Variants in ASTN2 observed in about 807,000 individuals in gnomAD.
The protein encoded by ASTN2 is astrotactin 2.
ASTN2 carries 54 observed loss-of-function variants against 139.8 expected under a neutral mutation model. The observed-to-expected ratio is 0.39, with a 90% CI of 0.31 to 0.48. ASTN2 has a LOEUF of 0.48. ASTN2 is among the 20% of genes least tolerant of loss of function. The pLI is 0.95. For missense variants in ASTN2, 1,565 were observed against 1,725.1 expected (o/e 0.91, Z 1.64); for synonymous variants, 756 against 719.5 (o/e 1.05, Z -0.81).
At chr9:117,406,931 G>C (rs1457877876) in intron 1 of ASTN2, among the ~76,000 whole-genome samples, 1 of 151,240 alleles carries the variant, frequency 6.6e-6, no homozygotes, top group Non-Finnish European at 1.5e-5. Flanking sequence ...TCTGAATGCA[G>C]AGATCTTTGT....
intron 6 of ASTN2, among the ~76,000 whole-genome samples, chr9:117,037,889 C>A (rs1184640762): frequency 6.6e-6 from 1 of 152,120 alleles, no homozygotes; most frequent in Non-Finnish European, 1.5e-5. Flanking sequence ...AAATTTTGTT[C>A]CTTCTGATTT....
intron 5 of ASTN2, among the ~76,000 whole-genome samples, chr9:117,056,481 C>T (rs1313445981): frequency 6.6e-6 from 1 of 152,108 alleles, no homozygotes; most frequent in Non-Finnish European, 1.5e-5. Flanking sequence ...TTGAAGGAGC[C>T]ACAGAGAGAC....
rs1257797533 is a variant in ASTN2 at position 116,571,272 on chromosome 9, G to A, written c.3355+47052C>T. 2.0e-5 allele frequency among the ~76,000 whole-genome samples: 3 copies of A among 152,176 alleles called. No homozygotes were observed. The South Asian group carries it at 6.2e-4, about 32-fold the overall frequency. ...CAAGGGAGCCACCTGAAATCACCTT[G>A]TTCTTTGCTATCATGACCGAGGCAG... On this transcript the variant is annotated intron_variant, in intron 19 of 22. Coordinates refer to ENST00000313400, the MANE Select transcript of ASTN2 (RefSeq NM_001365068.1).
chr9:116,935,370 CT>C (rs2132458624), intron 10 of ASTN2, among the ~76,000 whole-genome samples: 1 of 152,300 alleles, frequency 6.6e-6, no homozygotes, highest in East Asian at 1.9e-4. Context: ...ACCTTATGGT[CT>C]TTAACATAAA....
chr9:116,511,702 A>G (rs1372812884), intron 19 of ASTN2, among the ~76,000 whole-genome samples: 2 of 152,104 alleles, frequency 1.3e-5, no homozygotes, highest in Non-Finnish European at 2.9e-5. Flanking sequence ...GTCTATTCAG[A>G]GATTCAACTT....
chr9:117,155,555 C>T (rs1830415641), intron 3 of ASTN2, among the ~76,000 whole-genome samples: 1 of 151,872 alleles, frequency 6.6e-6, no homozygotes, highest in Non-Finnish European at 1.5e-5. Context: ...AAAACCAAGC[C>T]CCTCTCTGTG....
intron 2 of ASTN2, among the ~76,000 whole-genome samples, chr9:117,284,575 A>G (rs1335410): frequency 0.58 from 87,540 of 152,138 alleles, 25,642 homozygotes; most frequent in South Asian, 0.74. Flanking sequence ...GCATGGTCTC[A>G]CAGATATCTT....
chr9:116,729,147 C>T (rs1474190389), intron 14 of ASTN2, 51 bp from the exon 15 acceptor site: 1 of 1,375,924 alleles, frequency 7.3e-7, no homozygotes. Flanking sequence ...AGACGCTTCA[C>T]ACCACATTGT....
At chr9:117,310,778 C>T (rs1587935658) in intron 1 of ASTN2, among the ~76,000 whole-genome samples, 1 of 152,130 alleles carries the variant, frequency 6.6e-6, no homozygotes, top group Non-Finnish European at 1.5e-5. Context: ...GCACGCGCCA[C>T]CACACCCAGA....
chr9:116,573,012 T>TGC (rs1491373843), intron 19 of ASTN2, among the ~76,000 whole-genome samples: 1 of 82,790 alleles, frequency 1.2e-5, no homozygotes, highest in Non-Finnish European at 2.4e-5. Context: ...TGTGGGTACA[T>TGC]GCACACACAC....
At chr9:117,232,375 G>A (rs1832919658) in intron 2 of ASTN2, among the ~76,000 whole-genome samples, 1 of 152,144 alleles carries the variant, frequency 6.6e-6, no homozygotes, top group Non-Finnish European at 1.5e-5. Context: ...GATCTGGAAT[G>A]AGGCTGTGAG....
intron 19 of ASTN2, among the ~76,000 whole-genome samples, chr9:116,563,160 G>A (rs1355420086): frequency 1.3e-5 from 2 of 152,084 alleles, no homozygotes; most frequent in African/African-American, 4.8e-5. Flanking sequence ...CGGATCATAA[G>A]GTCAGGAGAT....
intron 10 of ASTN2, among the ~76,000 whole-genome samples, chr9:116,875,485 A>T (rs1833271627): frequency 6.6e-6 from 1 of 152,236 alleles, no homozygotes; most frequent in Non-Finnish European, 1.5e-5. Context: ...AAGTGCAAGG[A>T]GAAGCAGCAA....
At chr9:116,773,351 C>G (rs1379964282) in intron 13 of ASTN2, among the ~76,000 whole-genome samples, 3 of 152,162 alleles carry the variant, frequency 2.0e-5, no homozygotes, top group African/African-American at 7.2e-5. Context: ...CTGAAAGTCT[C>G]TTTTCATAAA....
intron 16 of ASTN2, among the ~76,000 whole-genome samples, chr9:116,721,411 G>A (rs781472710): frequency 2.6e-5 from 4 of 152,214 alleles, no homozygotes; most frequent in Non-Finnish European, 2.9e-5. Flanking sequence ...GGGAGAATGC[G>A]TGAATATCAA....
intron 3 of ASTN2, among the ~76,000 whole-genome samples, chr9:117,143,831 TC>T (rs1354964427): frequency 2.6e-5 from 4 of 151,782 alleles, no homozygotes; most frequent in African/African-American, 9.7e-5. Context: ...AAAAAACCTC[TC>T]CCTTCCTCTT....
intron 16 of ASTN2, among the ~76,000 whole-genome samples, chr9:116,691,815 C>G (rs1860581994): frequency 1.3e-5 from 2 of 152,146 alleles, no homozygotes; most frequent in South Asian, 4.1e-4. Flanking sequence ...TAGTTTTGCA[C>G]TTGATTAGCA....
At chr9:116,721,164 A>G (rs114692750) in intron 16 of ASTN2, among the ~76,000 whole-genome samples, 51 of 152,332 alleles carry the variant, frequency 3.3e-4, no homozygotes, top group African/African-American at 1.2e-3. Flanking sequence ...TTCCATCTAT[A>G]CAATGACTTT....
intron 22 of ASTN2, among the ~76,000 whole-genome samples, chr9:116,436,052 A>G (rs1379345078): frequency 6.6e-6 from 1 of 152,210 alleles, no homozygotes; most frequent in African/African-American, 2.4e-5. Context: ...TCCGCACTAG[A>G]TGCTGAACCT....
Sources: gnomAD v4.1 joint callset for allele counts (sites outside exome capture counted in the v4.1 genomes callset) on GRCh38, gnomAD v4.1.1 for gene constraint, MANE v1.5 for transcripts, NCBI Gene and HGNC (gene_info 2026-07-23, HGNC 2026-07-21) for gene names.